Variants in AAK1 observed in about 807,000 individuals in gnomAD.
AAK1 encodes the protein AP2 associated kinase 1, also known as AP2-associated protein kinase 1.
Under a neutral mutation model 116.0 loss-of-function variants are expected in AAK1, and 37 were observed. The ratio of observed to expected loss-of-function variants is 0.32; its 90% CI spans 0.25 to 0.42. AAK1 has a LOEUF of 0.42. AAK1 is among the 10% of genes least tolerant of loss of function. The pLI is 1.00. For synonymous variants in AAK1, 458 were observed against 439.9 expected, an observed-to-expected ratio of 1.04 and a Z score of -0.51; for missense variants, 919 against 1,170.6, an observed-to-expected ratio of 0.79 and a Z score of 3.14.
chr2:69,480,787 G>C (rs1675057526), intron 19 of AAK1, 73 bp downstream of exon 19: 2 of 1,312,680 alleles, frequency 1.5e-6, no homozygotes, highest in African/African-American at 1.5e-5. Flanking sequence ...GAACGACTGA[G>C]CCAGGTGAAA....
intron 17 of AAK1, among the ~76,000 whole-genome samples, chr2:69,483,733 A>G (rs1326568205): frequency 6.6e-6 from 1 of 152,172 alleles, no homozygotes; most frequent in Non-Finnish European, 1.5e-5. Flanking sequence ...TGGCAGTCAT[A>G]TTATTCTATG....
chr2:69,598,201 C>T (rs1046143131), intron 2 of AAK1: 4 of 741,348 alleles, frequency 5.4e-6, no homozygotes, highest in Non-Finnish European at 5.8e-6. Context: ...ATGTTTCCAT[C>T]GATATTTGAA....
chr2:69,582,019 G>A (rs541919404), intron 2 of AAK1, among the ~76,000 whole-genome samples: 6 of 151,810 alleles, frequency 4.0e-5, no homozygotes, highest in African/African-American at 7.2e-5. Flanking sequence ...AATCAGTGTC[G>A]TGTGAAAAAT....
chr2:69,561,915 T>C (rs781281378), intron 2 of AAK1, among the ~76,000 whole-genome samples: 42 of 152,224 alleles, frequency 2.8e-4, no homozygotes, highest in Admixed American at 1.4e-3. Flanking sequence ...TTCCATGTAG[T>C]TTTTGTTTTT....
At chr2:69,544,723 C>T (rs1670855656) in intron 3 of AAK1, among the ~76,000 whole-genome samples, 179 bp from the exon 4 acceptor site, 1 of 152,178 alleles carries the variant, frequency 6.6e-6, no homozygotes, top group Non-Finnish European at 1.5e-5. Flanking sequence ...ACTGCTAGAT[C>T]TTCAATAGCA....
intron 2 of AAK1, among the ~76,000 whole-genome samples, chr2:69,557,930 G>A (rs1050967532): frequency 6.6e-6 from 1 of 152,156 alleles, no homozygotes; most frequent in Non-Finnish European, 1.5e-5. Flanking sequence ...GAAGATACAT[G>A]ATAAGGGTAA....
chr2:69,588,927 T>C (rs1384633959), intron 2 of AAK1, among the ~76,000 whole-genome samples: 1 of 150,308 alleles, frequency 6.7e-6, no homozygotes, highest in Admixed American at 6.7e-5. Context: ...AGGCAGCCTC[T>C]GATTTTCAAA....
At chr2:69,600,049 TAGAA>T (rs1673498626) in intron 2 of AAK1, among the ~76,000 whole-genome samples, 2 of 151,936 alleles carry the variant, frequency 1.3e-5, no homozygotes, top group Non-Finnish European at 2.9e-5. Context: ...CCCAAAGTGC[TAGAA>T]TTACAGGCAT....
rs1225980270 is a variant in AAK1 at position 69,471,629 on chromosome 2, A to G, written c.*4240T>C. ...AGTTAGTGGCTATGGGAGCCTGATA[A>G]TCTTGCAGACAGAGAAGGTTAAGGA... On this transcript the variant is annotated 3_prime_UTR_variant, in exon 22 of 22. Coordinates refer to ENST00000409085, the MANE Select transcript of AAK1 (RefSeq NM_014911.5). 2 of 985,382 alleles carry G rather than the reference A, an allele frequency of 2.0e-6. No homozygotes were observed. The highest frequency in any genetic ancestry group is 2.4e-6 in the Non-Finnish European group (2 of 829,894). The allele number at this position is 985,382 out of a possible 1,614,324, so 61.0% of individuals were successfully genotyped here. A position where few individuals can be genotyped will look rare whatever the true frequency, so the allele number is the denominator to read the frequency against.
intron 12 of AAK1, among the ~76,000 whole-genome samples, chr2:69,516,251 C>CTA (rs1453270503): frequency 6.6e-6 from 1 of 150,646 alleles, no homozygotes; most frequent in African/African-American, 2.4e-5. Flanking sequence ...ATGGTTATTG[C>CTA]TATCTTAAAA....
chr2:69,492,274 C>T (rs1171420928), intron 17 of AAK1, among the ~76,000 whole-genome samples: 3 of 151,192 alleles, frequency 2.0e-5, no homozygotes, highest in African/African-American at 7.3e-5. Flanking sequence ...AGTGCAGTGG[C>T]GCGATCTCAG....
chr2:69,613,609 T>C (rs1045353886), intron 2 of AAK1, among the ~76,000 whole-genome samples: 1 of 152,166 alleles, frequency 6.6e-6, no homozygotes, highest in Non-Finnish European at 1.5e-5. Context: ...ATTTAATCAA[T>C]CATACCTATG....
chr2:69,625,162 TCTCA>T (rs776124985), intron 2 of AAK1, among the ~76,000 whole-genome samples: 6 of 152,196 alleles, frequency 3.9e-5, no homozygotes, highest in South Asian at 2.1e-4. Context: ...ACCTTCGAAC[TCTCA>T]CTAAGAGCCT....
intron 5 of AAK1, among the ~76,000 whole-genome samples, chr2:69,542,151 CA>C: frequency 6.6e-6 from 1 of 152,106 alleles, no homozygotes. Context: ...TAAAAAAAAT[CA>C]ATTAGTTGAT....
In AAK1 at chr2:69,472,445, G is replaced by A. The variant is rs980048614; in HGVS notation, c.*3424C>T. The stretch of plus-strand genomic sequence containing the variant: ...GAGTTTCAAAAATAACTTTAAGGAT[G>A]GCAGCATCATTAGAATAAGTATTAA... On this transcript the variant is annotated 3_prime_UTR_variant, in exon 22 of 22. Transcript: ENST00000409085. 1.3e-5 allele frequency: 4 copies of A among 316,484 alleles called. No individual in the cohort carries two copies. Among genetic ancestry groups the A allele is most frequent in the African/African-American group, 9.0e-5 (4 of 44,332 alleles). The allele number at this position is 316,484 out of a possible 1,614,324, so 19.6% of individuals were successfully genotyped here.
At chr2:69,555,997 T>C (rs972601622) in intron 3 of AAK1, among the ~76,000 whole-genome samples, 1 of 152,198 alleles carries the variant, frequency 6.6e-6, no homozygotes, top group Admixed American at 6.5e-5. Flanking sequence ...AACTCACTCA[T>C]TGTTCTAAGG....
intron 5 of AAK1, among the ~76,000 whole-genome samples, chr2:69,541,907 T>G (rs1457212177): frequency 6.6e-6 from 1 of 152,348 alleles, no homozygotes; most frequent in East Asian, 1.9e-4. Flanking sequence ...TATATGACTT[T>G]AGGCAAGTCA....
chr2:69,622,267 G>A (rs187729649), intron 2 of AAK1, among the ~76,000 whole-genome samples: 313 of 152,306 alleles, frequency 2.1e-3, no homozygotes, highest in African/African-American at 7.0e-3. Context: ...CTGCCTCCCC[G>A]CGGGGCAGGG....
At chr2:69,480,988 G>C in intron 18 of AAK1, 27 bp from the exon 19 acceptor site, 1 of 1,552,572 alleles carries the variant, frequency 6.4e-7, no homozygotes, top group Non-Finnish European at 8.8e-7. Flanking sequence ...TTAAGAAGAG[G>C]AAAGGGTAAG....
Sources: gnomAD v4.1 joint callset for allele counts (sites outside exome capture counted in the v4.1 genomes callset) on GRCh38, gnomAD v4.1.1 for gene constraint, MANE v1.5 for transcripts, NCBI Gene and HGNC (gene_info 2026-07-23, HGNC 2026-07-21) for gene names.